Variants in TMEM150C observed in about 807,000 individuals in gnomAD.
TMEM150C encodes tentonin 3.
A neutral mutation model predicts 29.9 loss-of-function variants in TMEM150C; 10 were observed. The observed-to-expected ratio is 0.33, with a 90% CI of 0.21 to 0.57. The LOEUF is 0.57. TMEM150C is among the 20% of genes least tolerant of loss of function. TMEM150C has a pLI of 0.88. For synonymous variants in TMEM150C, 101 were observed against 112.5 expected, an observed-to-expected ratio of 0.90 and a Z score of 0.64; for missense variants, 251 against 303.6, an observed-to-expected ratio of 0.83 and a Z score of 1.29.
chr4:82,560,219 C>T (rs769232983), intron 1 of TMEM150C, among the ~76,000 whole-genome samples: 13 of 152,192 alleles, frequency 8.5e-5, no homozygotes, highest in Non-Finnish European at 1.5e-4. Flanking sequence ...GCTCTGAAGA[C>T]TTAAATGCCA....
At chr4:82,510,136 G>A (rs1458159318) in intron 1 of TMEM150C, among the ~76,000 whole-genome samples, 5 of 151,848 alleles carry the variant, frequency 3.3e-5, no homozygotes, top group Admixed American at 1.3e-4. Flanking sequence ...AAAATTAGCC[G>A]GGCATGGTGG....
chr4:82,550,715 A>G (rs1725546587), intron 1 of TMEM150C, among the ~76,000 whole-genome samples: 1 of 151,880 alleles, frequency 6.6e-6, no homozygotes, highest in African/African-American at 2.4e-5. Context: ...GCGTGAACCC[A>G]GGAGGCGGAG....
At chr4:82,540,020 C>T (rs1254393447) in intron 1 of TMEM150C, among the ~76,000 whole-genome samples, 1 of 147,372 alleles carries the variant, frequency 6.8e-6, no homozygotes, top group African/African-American at 2.5e-5. Flanking sequence ...TTCTAATGTT[C>T]ATCTGGAAGA....
chr4:82,498,102 C>G (rs190403614), intron 5 of TMEM150C, among the ~76,000 whole-genome samples: 11 of 152,212 alleles, frequency 7.2e-5, no homozygotes, highest in African/African-American at 2.6e-4. Flanking sequence ...GAAACCTCCA[C>G]CTCCTGGGTT....
chr4:82,498,886 T>C (rs1723642144), intron 5 of TMEM150C, among the ~76,000 whole-genome samples: 1 of 152,224 alleles, frequency 6.6e-6, no homozygotes. Context: ...CATCTTATCA[T>C]GAACAAATTA....
At chr4:82,521,515 T>C (rs917139037) in intron 1 of TMEM150C, among the ~76,000 whole-genome samples, 2 of 152,212 alleles carry the variant, frequency 1.3e-5, no homozygotes, top group Non-Finnish European at 2.9e-5. Flanking sequence ...ACATAGAAGA[T>C]GAATTCTTAC....
chr4:82,514,607 C>T (rs6837556), intron 1 of TMEM150C, among the ~76,000 whole-genome samples: 1,767 of 152,226 alleles, frequency 0.012, 39 homozygotes, highest in African/African-American at 0.04. Context: ...CCAGCAAAGA[C>T]AGCCAGCTGA....
intron 1 of TMEM150C, among the ~76,000 whole-genome samples, chr4:82,509,363 A>C (rs1014413827): frequency 1.3e-5 from 2 of 152,210 alleles, no homozygotes; most frequent in African/African-American, 4.8e-5. Context: ...TTCAAGCTGC[A>C]GATAGCCAAG....
intron 1 of TMEM150C, among the ~76,000 whole-genome samples, chr4:82,531,424 C>T (rs1158508520): frequency 6.6e-6 from 1 of 151,962 alleles, no homozygotes; most frequent in Non-Finnish European, 1.5e-5. Flanking sequence ...GGAGAACACT[C>T]ATGTTTAGGG....
chr4:82,524,847 A>G (rs1471006776), intron 1 of TMEM150C, among the ~76,000 whole-genome samples: 1 of 152,218 alleles, frequency 6.6e-6, no homozygotes, highest in African/African-American at 2.4e-5. Context: ...TGACATTAAG[A>G]TGGTCTGGAA....
intron 1 of TMEM150C, among the ~76,000 whole-genome samples, chr4:82,541,736 T>G (rs991695569): frequency 6.6e-6 from 1 of 152,190 alleles, no homozygotes; most frequent in Non-Finnish European, 1.5e-5. Flanking sequence ...TTCCAGCTCT[T>G]AATTCAATAG....
At chr4:82,515,243 T>C (rs1441537104) in intron 1 of TMEM150C, among the ~76,000 whole-genome samples, 4 of 152,202 alleles carry the variant, frequency 2.6e-5, no homozygotes, top group Non-Finnish European at 4.4e-5. Context: ...GTTCCTCACT[T>C]AGCAGTGGCC....
intron 1 of TMEM150C, among the ~76,000 whole-genome samples, chr4:82,508,674 C>T (rs1011193936): frequency 1.3e-5 from 2 of 152,106 alleles, no homozygotes; most frequent in Non-Finnish European, 2.9e-5. Flanking sequence ...CCATGTTGGC[C>T]AGGCTAGTCT....
At position 82,485,188 on chromosome 4, in the gene TMEM150C, G is replaced by A. The variant is rs771491191; in HGVS notation, c.*323C>T. ...AAGGAACATTTGGCCTGCCCTACTC[G>A]GTAGGGTGCTTGAGACATGTGGAGA... On this transcript the variant is annotated 3_prime_UTR_variant, in exon 8 of 8. Coordinates refer to ENST00000449862, the MANE Select transcript of TMEM150C (RefSeq NM_001080506.3). 9.0e-5 allele frequency: 25 copies of A among 276,800 alleles called. No homozygotes were observed. The highest frequency in any genetic ancestry group is 2.9e-4 in the African/African-American group (13 of 45,364). The allele number at this position is 276,800 out of a possible 1,614,324, so 17.1% of individuals were successfully genotyped here.
intron 1 of TMEM150C, among the ~76,000 whole-genome samples, chr4:82,534,162 A>G (rs1278657819): frequency 6.6e-6 from 1 of 152,214 alleles, no homozygotes; most frequent in African/African-American, 2.4e-5. Flanking sequence ...GGGTTCTATT[A>G]GTGTTTATTT....
intron 1 of TMEM150C, among the ~76,000 whole-genome samples, chr4:82,519,290 A>G (rs867298930): frequency 1.3e-5 from 2 of 152,200 alleles, no homozygotes; most frequent in Non-Finnish European, 2.9e-5. Context: ...CTTTAGCCCC[A>G]TGGTGAATGC....
At chr4:82,515,521 G>A (rs1307127240) in intron 1 of TMEM150C, among the ~76,000 whole-genome samples, 5 of 151,966 alleles carry the variant, frequency 3.3e-5, no homozygotes, top group Admixed American at 1.3e-4. Flanking sequence ...GGCAGATTAC[G>A]AGGTCAGGAG....
intron 1 of TMEM150C, among the ~76,000 whole-genome samples, chr4:82,549,459 G>C (rs1265105827): frequency 6.6e-6 from 1 of 152,194 alleles, no homozygotes; most frequent in African/African-American, 2.4e-5. Flanking sequence ...TCAGGGGCTA[G>C]GGGTAGGAGG....
chr4:82,509,074 C>T (rs1250349368), intron 1 of TMEM150C, among the ~76,000 whole-genome samples: 1 of 152,144 alleles, frequency 6.6e-6, no homozygotes, highest in African/African-American at 2.4e-5. Context: ...ATACTGCAAA[C>T]TCTCTGTATA....
Sources: gnomAD v4.1 joint callset for allele counts (sites outside exome capture counted in the v4.1 genomes callset) on GRCh38, gnomAD v4.1.1 for gene constraint, MANE v1.5 for transcripts, NCBI Gene and HGNC (gene_info 2026-07-23, HGNC 2026-07-21) for gene names.